ADCY2: variants seen among roughly 807,000 people sequenced by gnomAD.
ADCY2 encodes adenylate cyclase type 2.
Under a neutral mutation model 125.2 loss-of-function variants are expected in ADCY2, and 31 were observed. The observed-to-expected ratio is 0.25, with a 90% CI of 0.19 to 0.33. ADCY2 has a LOEUF of 0.33. ADCY2 is among the 10% of genes least tolerant of loss of function. The pLI is 1.00. For synonymous variants in ADCY2, 512 were observed against 548.4 expected (o/e 0.93, Z 0.93); for missense variants, 904 against 1,418.2 (o/e 0.64, Z 5.82).
Position 7,828,195 on chromosome 5 carries a change from T to C in ADCY2, c.*1324T>C, listed in dbSNP as rs1745546960. 6.5e-6 allele frequency: 1 copy of C among 152,838 alleles called. No homozygotes were observed. Among genetic ancestry groups the C allele is most frequent in the Non-Finnish European group, 1.5e-5 (1 of 68,052 alleles). The allele number at this position is 152,838 out of a possible 1,614,324, so 9.5% of individuals were successfully genotyped here. On this transcript the variant is annotated 3_prime_UTR_variant, in exon 25 of 25. Coordinates refer to ENST00000338316, the MANE Select transcript of ADCY2 (RefSeq NM_020546.3). ...TGTTTAAAAGCAAAACTGCAAATTGTAGCCCAGTTGGTCAAACTTGTTTTC... is the reference window on the plus strand; with the variant it reads ...TGTTTAAAAGCAAAACTGCAAATTGCAGCCCAGTTGGTCAAACTTGTTTTC...
intron 3 of ADCY2, among the ~76,000 whole-genome samples, chr5:7,572,924 G>A (rs1736109573): frequency 6.6e-6 from 1 of 152,092 alleles, no homozygotes; most frequent in Non-Finnish European, 1.5e-5. Flanking sequence ...GACTATATTT[G>A]GAGATTGAGT....
chr5:7,495,417 T>G (rs1743310680), intron 2 of ADCY2, among the ~76,000 whole-genome samples: 1 of 152,208 alleles, frequency 6.6e-6, no homozygotes, highest in Non-Finnish European at 1.5e-5. Flanking sequence ...TTAATTAGCT[T>G]TGGAAATTAA....
intron 14 of ADCY2, among the ~76,000 whole-genome samples, chr5:7,729,464 A>G (rs1742030422): frequency 6.6e-6 from 1 of 151,240 alleles, no homozygotes; most frequent in South Asian, 2.1e-4. Flanking sequence ...TTATTTTGTC[A>G]TCTGTATTTT....
rs77507608 is a variant in ADCY2, at chr5:7,557,244, G to T, written c.570+36345G>T. Among the ~76,000 whole-genome samples, 21 of 124,284 alleles carry T rather than the reference G, an allele frequency of 1.7e-4. No homozygotes were observed. In the East Asian group the frequency reaches 4.1e-3, roughly 24 times the overall value. 81.5% of individuals were successfully genotyped at this position (124,284 alleles called of 152,430 possible). A position where few individuals can be genotyped will look rare whatever the true frequency, so the allele number is the denominator to read the frequency against. Reference sequence around the variant, plus strand: ...TAAATGACAAGTAAACAGGGGAAGAGATGCTCAACCTCCCTAGTAATCAGA... The same window carrying T: ...TAAATGACAAGTAAACAGGGGAAGATATGCTCAACCTCCCTAGTAATCAGA... On this transcript the variant is annotated intron_variant, in intron 3 of 24. Coordinates refer to ENST00000338316, the MANE Select transcript of ADCY2 (RefSeq NM_020546.3).
At chr5:7,679,898 T>C (rs1035405917) in intron 4 of ADCY2, among the ~76,000 whole-genome samples, 2 of 152,176 alleles carry the variant, frequency 1.3e-5, no homozygotes, top group Non-Finnish European at 2.9e-5. Flanking sequence ...AATAGAGATA[T>C]GTCACTGCAT....
chr5:7,593,925 T>C (rs1044388698), intron 3 of ADCY2, among the ~76,000 whole-genome samples: 10 of 152,116 alleles, frequency 6.6e-5, no homozygotes, highest in African/African-American at 9.7e-5. Context: ...AACTGAAGGA[T>C]GCAGATACTT....
At chr5:7,673,111 A>C (rs1739988467) in intron 4 of ADCY2, among the ~76,000 whole-genome samples, 1 of 150,400 alleles carries the variant, frequency 6.6e-6, no homozygotes, top group African/African-American at 2.4e-5. Flanking sequence ...AATTTTATAA[A>C]CTTAACAATG....
At chr5:7,702,645 G>C in intron 7 of ADCY2, among the ~76,000 whole-genome samples, 1 of 152,158 alleles carries the variant, frequency 6.6e-6, no homozygotes, top group Non-Finnish European at 1.5e-5. Flanking sequence ...CATTTGGGTT[G>C]GTTCCAAGTC....
chr5:7,700,712 G>A (rs62343023), intron 7 of ADCY2, among the ~76,000 whole-genome samples: 18 of 3,212 alleles, frequency 5.6e-3, no homozygotes, highest in South Asian at 0.017. Flanking sequence ...CCACCCCCTC[G>A]CACCCACCAC....
At chr5:7,685,186 G>A (rs1040378005) in intron 4 of ADCY2, 5 of 152,320 alleles carry the variant, frequency 3.3e-5, no homozygotes, top group Admixed American at 6.5e-5. Context: ...GCCACCGTGT[G>A]GGAATTTGAT....
chr5:7,404,267 CTT>C (rs1011358087), intron 1 of ADCY2, among the ~76,000 whole-genome samples: 22 of 151,970 alleles, frequency 1.4e-4, no homozygotes, highest in Non-Finnish European at 2.8e-4. Context: ...CACCAGATGT[CTT>C]TTTAGCTTTT....
Position 7,583,567 on chromosome 5 carries a change from C to T in ADCY2, c.571-42600C>T, listed in dbSNP as rs144399304. Among the ~76,000 whole-genome samples, 179 of 152,012 alleles carry T rather than the reference C, an allele frequency of 1.2e-3. 1 individual carries two copies. The highest frequency in any genetic ancestry group is 4.1e-3 in the African/African-American group (170 of 41,502). ...TGAAACCAGAATGAGATAACACTAC[C>T]CATATATCAAAATGACTCAATTTAA... On this transcript the variant is annotated intron_variant, in intron 3 of 24. Coordinates refer to ENST00000338316, the MANE Select transcript of ADCY2 (RefSeq NM_020546.3).
At chr5:7,768,673 C>T (rs978240669) in intron 17 of ADCY2, among the ~76,000 whole-genome samples, 1 of 152,082 alleles carries the variant, frequency 6.6e-6, no homozygotes, top group African/African-American at 2.4e-5. Context: ...ATCTTATTTG[C>T]AATCAAAGAA....
intron 3 of ADCY2, among the ~76,000 whole-genome samples, chr5:7,561,310 A>C (rs1190089220): frequency 1.3e-5 from 2 of 152,212 alleles, no homozygotes; most frequent in Non-Finnish European, 2.9e-5. Context: ...TACTTACGCA[A>C]ACCTAAATGG....
chr5:7,483,363 A>T (rs1742807187), intron 2 of ADCY2, among the ~76,000 whole-genome samples: 1 of 152,078 alleles, frequency 6.6e-6, no homozygotes, highest in Admixed American at 6.6e-5. Context: ...CAGGTTAGGT[A>T]ATCCTTCAGA....
intron 7 of ADCY2, among the ~76,000 whole-genome samples, chr5:7,703,430 G>A (rs1340293847): frequency 6.6e-6 from 1 of 151,624 alleles, no homozygotes; most frequent in Non-Finnish European, 1.5e-5. Context: ...TCCAGTTTCG[G>A]CTTTCTACAT....
chr5:7,651,854 G>A (rs1739101942), intron 4 of ADCY2, among the ~76,000 whole-genome samples: 1 of 152,088 alleles, frequency 6.6e-6, no homozygotes, highest in South Asian at 2.1e-4. Flanking sequence ...CAAGGCTGGA[G>A]TGCAGTGGCA....
chr5:7,408,854 T>C (rs1287731785), intron 1 of ADCY2, among the ~76,000 whole-genome samples: 3 of 152,000 alleles, frequency 2.0e-5, no homozygotes, highest in East Asian at 1.9e-4. Context: ...AGAAATACCA[T>C]TGGACCCAGC....
intron 24 of ADCY2, among the ~76,000 whole-genome samples, chr5:7,823,276 A>G (rs1561045614): frequency 6.6e-6 from 1 of 152,242 alleles, no homozygotes. Flanking sequence ...GAAATATTCC[A>G]ACCAAATTGG....
Sources: allele counts gnomAD v4.1 joint callset (sites outside exome capture counted in the v4.1 genomes callset), GRCh38; gene constraint gnomAD v4.1.1; transcripts MANE v1.5; gene names NCBI Gene and HGNC (gene_info 2026-07-23, HGNC 2026-07-21).